NLGN3: variants seen among roughly 807,000 people sequenced by gnomAD.
NLGN3 encodes the protein neuroligin 3.
A neutral mutation model predicts 42.9 loss-of-function variants in NLGN3; 11 were observed. The ratio of observed to expected loss-of-function variants is 0.26; its 90% CI spans 0.16 to 0.42. The LOEUF is 0.42. Among genes scored for constraint, NLGN3 ranks in the 10% least tolerant of loss-of-function variants. The pLI is 1.00. For synonymous variants in NLGN3, 279 were observed against 312.7 expected (o/e 0.89, Z 1.14); for missense variants, 374 against 733.8 (o/e 0.51, Z 5.67).
At chrX:71,150,608 A>T (rs2092387151) in intron 3 of NLGN3, among the ~76,000 whole-genome samples, 1 of 107,240 alleles carries the variant, frequency 9.3e-6, no homozygotes, top group African/African-American at 3.4e-5. Flanking sequence ...AGGTTGAGGC[A>T]GGAGAATGGC....
chrX:71,168,817 AAAAAAAAG>A lies in NLGN3; in HGVS notation c.1704-433_1704-426del, dbSNP rs1416361670. Among the ~76,000 whole-genome samples, 21 of 65,740 alleles carry A rather than the reference AAAAAAAAG, an allele frequency of 3.2e-4. 1 individual carries two copies. Among genetic ancestry groups the A allele is most frequent in the South Asian group, 3.1e-3 (4 of 1,282 alleles). The allele number at this position is 65,740 out of a possible 115,157, so 57.1% of individuals were successfully genotyped here. On this transcript the variant is annotated intron_variant, in intron 7 of 7. Transcript: ENST00000358741. ...AAGAGAGAGAAAGAAAGAAAGAGAA[AAAAAAAAG>A]AAAGAAAGAAAGAAAGAAAGAAAGA...
At chrX:71,168,849 GAAAGAAAGAAAGAAAGAAAGAGAA>G (rs2092458659) in intron 7 of NLGN3, among the ~76,000 whole-genome samples, 2 of 84,873 alleles carry the variant, frequency 2.4e-5, no homozygotes, top group Non-Finnish European at 4.2e-5. Context: ...AAGAAAGAAA[GAAAGAAAGAAAGAAAGAAAGAGAA>G]AGAAAAGAAA....
Position 71,147,811 on chromosome X carries a change from G to C in NLGN3, c.62G>C (p.Ser21Thr). 8.3e-7 allele frequency: 1 copy of C among 1,210,479 alleles called. No homozygotes were observed. Among genetic ancestry groups the C allele is most frequent in the African/African-American group, 1.7e-5 (1 of 57,801 alleles). Residue 21 changes from serine to threonine, a missense_variant, in exon 2 of 8, where the codon AGC (serine) becomes ACC (threonine). Transcript: ENST00000358741. ...AGCCCCAAGCCCACGGTTGGCAGGA[G>C]CCTGTGCCTCACCCTGTGGTTCCTC... ...SLSPKPTVGR[S>T]LCLTLWFLSL...
rs1569485701 is a variant in NLGN3 at position 71,168,861 on chromosome X, GAAAGAAAGAGAA to G, written c.1704-391_1704-380del. On this transcript the variant is annotated intron_variant, in intron 7 of 7. Transcript: ENST00000358741. ...AGAAAGAAAGAAAGAAAGAAAGAAAGAAAGAAAGAGAAAGAAAAGAAAGAGAAAGAAAGAAAG... is the reference window on the plus strand; with the variant it reads ...AGAAAGAAAGAAAGAAAGAAAGAAAGAGAAAAGAAAGAGAAAGAAAGAAAG... Among the ~76,000 whole-genome samples, 467 of 86,419 alleles carry G rather than the reference GAAAGAAAGAGAA, an allele frequency of 5.4e-3. 8 individuals are homozygous for G. The highest frequency in any genetic ancestry group is 0.027 in the African/African-American group (438 of 16,310). The allele number at this position is 86,419 out of a possible 115,157, so 75.0% of individuals were successfully genotyped here. A position where few individuals can be genotyped will look rare whatever the true frequency, so the allele number is the denominator to read the frequency against.
chrX:71,171,666 C>A, downstream of NLGN3: 1 of 751,353 alleles, frequency 1.3e-6, no homozygotes, highest in Middle Eastern at 7.6e-4. Context: ...CAGCGTCAGA[C>A]GTGGACTCCC....
At chrX:71,155,410 G>T (rs188618786) in intron 5 of NLGN3, 47 bp downstream of exon 5, 18 of 1,187,602 alleles carry the variant, frequency 1.5e-5, no homozygotes, top group Middle Eastern at 2.3e-4. Context: ...GCTTCGCAAG[G>T]GGGGAGGAAA....
intron 5 of NLGN3, among the ~76,000 whole-genome samples, chrX:71,157,246 A>G (rs1483256106): frequency 9.0e-6 from 1 of 111,028 alleles, no homozygotes; most frequent in Non-Finnish European, 1.9e-5. Flanking sequence ...TCCTGAGCTC[A>G]AGTGATCATC....
downstream of NLGN3, among the ~76,000 whole-genome samples, chrX:71,173,010 C>T (rs2092473693): frequency 9.2e-6 from 1 of 108,296 alleles, no homozygotes; most frequent in Non-Finnish European, 1.9e-5. Flanking sequence ...TGGGGTTTCA[C>T]CATGTTGCCC....
Position 71,147,976 on chromosome X carries a change from C to A in NLGN3, c.227C>A (p.Ala76Asp). ...CAATACCTGGGGGTGCCCTACGCAG[C>A]TCCCCCGATCGGCGAGAAACGTTTC... Reference protein sequence around the residue: ...VDQYLGVPYAAPPIGEKRFLP... With the variant: ...VDQYLGVPYADPPIGEKRFLP... Residue 76 changes from alanine to aspartate, a missense_variant, in exon 2 of 8, where the codon GCT becomes GAT. By Grantham distance (126) the Ala-to-Asp change is moderately radical. Transcript: ENST00000358741. The A allele has an allele frequency of 8.3e-7, 1 of 1,207,958 alleles. No homozygotes were observed. Among genetic ancestry groups the A allele is most frequent in the Non-Finnish European group, 1.1e-6 (1 of 892,764 alleles).
intron 5 of NLGN3, among the ~76,000 whole-genome samples, chrX:71,157,416 C>T (rs1234293726): frequency 1.8e-5 from 2 of 110,373 alleles, no homozygotes; most frequent in East Asian, 2.8e-4. Flanking sequence ...CTCCGCCTCC[C>T]GGGTTCAACT....
chrX:71,156,826 T>A (rs1234495785), intron 5 of NLGN3, among the ~76,000 whole-genome samples: 1 of 111,678 alleles, frequency 9.0e-6, no homozygotes, highest in Non-Finnish European at 1.9e-5. Context: ...CCTCCTCATA[T>A]GCACCCATAC....
chrX:71,164,370 G>C, intron 6 of NLGN3, 42 bp downstream of exon 6: 3 of 1,168,534 alleles, frequency 2.6e-6, no homozygotes, highest in Non-Finnish European at 3.5e-6. Context: ...GCCAAGTGCC[G>C]GCTGTCCCAG....
At chrX:71,152,030 A>G (rs1030033555) in intron 3 of NLGN3, among the ~76,000 whole-genome samples, 4 of 111,818 alleles carry the variant, frequency 3.6e-5, no homozygotes, top group Non-Finnish European at 5.7e-5. Context: ...GCCATTTTGT[A>G]GGATGAGGGC....
chrX:71,159,854 A>G (rs1452656619), intron 5 of NLGN3, among the ~76,000 whole-genome samples: 7 of 97,822 alleles, frequency 7.2e-5, no homozygotes, highest in African/African-American at 2.7e-4. Flanking sequence ...CCTCTGGAGT[A>G]TCTGGGATTA....
At chrX:71,163,595 G>A (rs374610510) in intron 5 of NLGN3, among the ~76,000 whole-genome samples, 2 of 112,094 alleles carry the variant, frequency 1.8e-5, no homozygotes, top group African/African-American at 6.5e-5. Context: ...GAGCTGCAAT[G>A]TGCCCAGCAT....
At chrX:71,153,612 G>A (rs758492850) in intron 4 of NLGN3, 76 bp downstream of exon 4, 65 of 805,640 alleles carry the variant, frequency 8.1e-5, no homozygotes, top group East Asian at 5.5e-4. Flanking sequence ...GAGAAGCCCC[G>A]TCTGTCTGTC....
At chrX:71,172,171 A>C, downstream of NLGN3, among the ~76,000 whole-genome samples, 1 of 111,657 alleles carries the variant, frequency 9.0e-6, no homozygotes, top group Non-Finnish European at 1.9e-5. Context: ...GTAAGGGTAC[A>C]TCACAAGTGA....
At chrX:71,168,548 T>C (rs906477863) in intron 7 of NLGN3, among the ~76,000 whole-genome samples, 1 of 108,720 alleles carries the variant, frequency 9.2e-6, no homozygotes, top group Non-Finnish European at 1.9e-5. Context: ...CTGGCCAACA[T>C]GGTGAAACAC....
At chrX:71,150,680 C>A (rs1436388734) in intron 3 of NLGN3, among the ~76,000 whole-genome samples, 1 of 91,702 alleles carries the variant, frequency 1.1e-5, no homozygotes, top group Non-Finnish European at 2.1e-5. Context: ...CCAGCCTGGG[C>A]GACAGAGCGA....
Sources: gnomAD v4.1 joint callset for allele counts (sites outside exome capture counted in the v4.1 genomes callset) on GRCh38, gnomAD v4.1.1 for gene constraint, MANE v1.5 for transcripts, NCBI Gene and HGNC (gene_info 2026-07-23, HGNC 2026-07-21) for gene names.